USP8: variants seen among roughly 807,000 people sequenced by gnomAD.
USP8 encodes the protein ubiquitin specific peptidase 8, also known as ubiquitin carboxyl-terminal hydrolase 8.
USP8 carries 27 observed loss-of-function variants against 130.0 expected under a neutral mutation model. That is an observed-to-expected ratio of 0.21 (90% CI 0.15 to 0.29). The LOEUF (loss-of-function observed/expected upper bound fraction) is 0.29. USP8 is among the 10% of genes least tolerant of loss of function. The pLI, the probability that USP8 is intolerant of heterozygous loss-of-function variation, is 1.00. For synonymous variants in USP8, 392 were observed against 444.1 expected, an observed-to-expected ratio of 0.88 and a Z score of 1.48; for missense variants, 1,029 against 1,312.2, an observed-to-expected ratio of 0.78 and a Z score of 3.33.
intron 3 of USP8, among the ~76,000 whole-genome samples, chr15:50,446,841 C>T (rs892261844): frequency 6.6e-6 from 1 of 152,166 alleles, no homozygotes; most frequent in Non-Finnish European, 1.5e-5. Flanking sequence ...TCATGGCTCC[C>T]TAAAGCCTTG....
chr15:50,444,868 T>C (rs1004539155), intron 3 of USP8, among the ~76,000 whole-genome samples: 1 of 152,008 alleles, frequency 6.6e-6, no homozygotes, highest in African/African-American at 2.4e-5. Context: ...GCTGATTCTC[T>C]CACCTCAGCC....
At chr15:50,496,676 A>C (rs1479655892) in intron 17 of USP8, among the ~76,000 whole-genome samples, 1 of 152,182 alleles carries the variant, frequency 6.6e-6, no homozygotes, top group African/African-American at 2.4e-5. Context: ...TTGTCTGTTG[A>C]CTAACTTAGG....
intron 2 of USP8, among the ~76,000 whole-genome samples, chr15:50,439,702 A>G (rs2050188333): frequency 6.6e-6 from 1 of 151,722 alleles, no homozygotes; most frequent in African/African-American, 2.4e-5. Flanking sequence ...AGGCAAGAGA[A>G]TTGCTTGAAC....
Position 50,513,163 on chromosome 15 carries a change from G to A in USP8, c.*14075G>A, listed in dbSNP as rs2052759703. The A allele has an allele frequency of 6.6e-6, 1 of 152,118 alleles. No individual in the cohort carries two copies. Among genetic ancestry groups the A allele is most frequent in the Admixed American group, 6.6e-5 (1 of 15,258 alleles). The allele number at this position is 152,118 out of a possible 1,614,324, so 9.4% of individuals were successfully genotyped here. ...GTATTGGTATAATCACTTGTAGAAA[G>A]TTAAATATGCACATACTTTATGATC... On this transcript the variant is annotated 3_prime_UTR_variant, in exon 20 of 20. Coordinates refer to ENST00000307179, the MANE Select transcript of USP8 (RefSeq NM_005154.5).
chr15:50,425,871 C>CT (rs1465912435), intron 1 of USP8, among the ~76,000 whole-genome samples: 1 of 152,094 alleles, frequency 6.6e-6, no homozygotes, highest in Non-Finnish European at 1.5e-5. Context: ...ATCTGTAATC[C>CT]TAGCACTTTG....
chr15:50,447,842 A>G (rs191055679), intron 3 of USP8, among the ~76,000 whole-genome samples: 3 of 149,790 alleles, frequency 2.0e-5, no homozygotes, highest in East Asian at 3.9e-4. Context: ...GGCTCAAGCT[A>G]TCCTCCTGCC....
Position 50,497,033 on chromosome 15 carries a change from T to A in USP8, c.2896-56T>A, listed in dbSNP as rs898351017. ...AGTGACTAACTAAATAGGTGCTCTC[T>A]GACATTATTGAAGAATCGAATTAAC... On this transcript the variant is annotated intron_variant, in intron 17 of 19. Coordinates refer to ENST00000307179, the MANE Select transcript of USP8 (RefSeq NM_005154.5). The A allele has an allele frequency of 5.2e-6, 8 of 1,551,190 alleles. No individual in the cohort carries two copies. In the African/African-American group the frequency reaches 9.7e-5, roughly 19 times the overall value.
chr15:50,434,831 G>T (rs1341278164), intron 1 of USP8, among the ~76,000 whole-genome samples: 3 of 152,040 alleles, frequency 2.0e-5, no homozygotes, highest in Non-Finnish European at 4.4e-5. Context: ...TGTTGGCCAG[G>T]CTGGTCTCAA....
chr15:50,437,514 G>A (rs2050126477), intron 1 of USP8, among the ~76,000 whole-genome samples: 1 of 152,172 alleles, frequency 6.6e-6, no homozygotes, highest in African/African-American at 2.4e-5. Flanking sequence ...GGCAGGGTAT[G>A]TTTTCTGGTT....
rs1341461813 is a variant in USP8 at position 50,509,605 on chromosome 15, G to C, written c.*10517G>C. ...GGAGCTTGCCGTGAGCTGAGATCGT[G>C]CCATTGCACTCCAGCCTGGGCGACA... On this transcript the variant is annotated 3_prime_UTR_variant, in exon 20 of 20. Coordinates refer to ENST00000307179, the MANE Select transcript of USP8 (RefSeq NM_005154.5). The C allele has an allele frequency of 1.3e-5, 2 of 150,958 alleles. No homozygotes were observed. Among genetic ancestry groups the C allele is most frequent in the African/African-American group, 4.9e-5 (2 of 41,020 alleles). The allele number at this position is 150,958 out of a possible 1,614,324, so 9.4% of individuals were successfully genotyped here.
intron 11 of USP8, 145 bp from the exon 12 acceptor site, chr15:50,484,130 G>A (rs2051869383): frequency 5.5e-6 from 3 of 542,190 alleles, no homozygotes; most frequent in Admixed American, 3.9e-5. Context: ...GAATGTGACA[G>A]TAAAATATAA....
rs75527469 is a variant in USP8, at chr15:50,480,664, A to G, written c.1219-817A>G. ...TTTTTAAGGCAAGTATAGCTGGTAT[A>G]CACAGCCATATGACTGGAGAGGTAG... is the stretch of plus-strand genomic sequence containing the variant. On this transcript the variant is annotated intron_variant, in intron 10 of 19. Coordinates refer to ENST00000307179, the MANE Select transcript of USP8 (RefSeq NM_005154.5). 6.4e-3 allele frequency among the ~76,000 whole-genome samples: 968 copies of G among 152,250 alleles called. 14 individuals are homozygous for G. The highest frequency in any genetic ancestry group is 0.022 in the African/African-American group (932 of 41,544).
In USP8 at chr15:50,506,765, C is replaced by T. The variant is rs1017662765; in HGVS notation, c.*7677C>T. The T allele has an allele frequency of 2.6e-5, 4 of 151,840 alleles. No individual in the cohort carries two copies. Among genetic ancestry groups the T allele is most frequent in the African/African-American group, 9.7e-5 (4 of 41,288 alleles). The allele number at this position is 151,840 out of a possible 1,614,324, so 9.4% of individuals were successfully genotyped here. ...ACGAGGTCAGGAGATCAAGACTATC[C>T]TGGCCAACACGGTGAAACCTCATCT... On this transcript the variant is annotated 3_prime_UTR_variant, in exon 20 of 20. Transcript: ENST00000307179.
At chr15:50,465,716 T>C (rs184746239) in intron 7 of USP8, among the ~76,000 whole-genome samples, 1 of 152,346 alleles carries the variant, frequency 6.6e-6, no homozygotes, top group East Asian at 1.9e-4. Context: ...TTTTACATAC[T>C]GAAATTCCCT....
chr15:50,425,950 G>A (rs1253477483), intron 1 of USP8, among the ~76,000 whole-genome samples: 1 of 151,882 alleles, frequency 6.6e-6, no homozygotes, highest in African/African-American at 2.4e-5. Flanking sequence ...GGCGAAACCC[G>A]GTCTCTACTA....
rs1409870365 is a variant in USP8 at position 50,513,180 on chromosome 15, T to G, written c.*14092T>G. On this transcript the variant is annotated 3_prime_UTR_variant, in exon 20 of 20. Coordinates refer to ENST00000307179, the MANE Select transcript of USP8 (RefSeq NM_005154.5). ...TGTAGAAAGTTAAATATGCACATAC[T>G]TTATGATCTAAGTGACCTCACTCCT... 3 of 152,178 alleles carry G rather than the reference T, an allele frequency of 2.0e-5. No homozygotes were observed. Among genetic ancestry groups the G allele is most frequent in the Non-Finnish European group, 2.9e-5 (2 of 68,040 alleles). The allele number at this position is 152,178 out of a possible 1,614,324, so 9.4% of individuals were successfully genotyped here.
rs2052757773 is a variant in USP8, at chr15:50,513,038, A to T, written c.*13950A>T. On this transcript the variant is annotated 3_prime_UTR_variant, in exon 20 of 20. Coordinates refer to ENST00000307179, the MANE Select transcript of USP8 (RefSeq NM_005154.5). ...TAACCCAGTTTGTAAAAAATGTGCAAAAGACAAATATTTCATACAATAGGA... is the reference window on the plus strand; with the variant it reads ...TAACCCAGTTTGTAAAAAATGTGCATAAGACAAATATTTCATACAATAGGA... 6.6e-6 allele frequency: 1 copy of T among 152,226 alleles called. No homozygotes were observed. The highest frequency in any genetic ancestry group is 2.1e-4 in the South Asian group (1 of 4,828). 9.4% of individuals were successfully genotyped at this position (152,226 alleles called of 1,614,324 possible).
intron 7 of USP8, 105 bp downstream of exon 7, chr15:50,465,296 C>T: frequency 4.0e-5 from 38 of 945,246 alleles, no homozygotes; most frequent in South Asian, 9.6e-5. Context: ...ATAAAGTAGT[C>T]TTTTCCTGGT....
rs146568840 is a variant in USP8, at chr15:50,490,709, A to G, written c.2234+184A>G. On this transcript the variant is annotated intron_variant, in intron 14 of 19. Transcript: ENST00000307179. ...GAAAATGTTGTTGGTTTTTCTCCCA[A>G]GTGCTCACTTAATATCATACCAGAG... is the stretch of plus-strand genomic sequence containing the variant. 0.011 allele frequency among the ~76,000 whole-genome samples: 1,716 copies of G among 152,240 alleles called. 15 individuals carry two copies. Among genetic ancestry groups the G allele is most frequent in the Non-Finnish European group, 0.018 (1,206 of 68,018 alleles).
Sources: allele counts gnomAD v4.1 joint callset (sites outside exome capture counted in the v4.1 genomes callset), GRCh38; gene constraint gnomAD v4.1.1; transcripts MANE v1.5; gene names NCBI Gene and HGNC (gene_info 2026-07-23, HGNC 2026-07-21).